KATNBL1: variants seen among roughly 807,000 people sequenced by gnomAD.
The protein encoded by KATNBL1 is katanin regulatory subunit B1 like 1, also known as KATNB1-like protein 1.
KATNBL1 carries 28 observed loss-of-function variants against 44.7 expected under a neutral mutation model. The ratio of observed to expected loss-of-function variants is 0.63; its 90% CI spans 0.46 to 0.86. The LOEUF (loss-of-function observed/expected upper bound fraction) is 0.86. KATNBL1 is among the 40% of genes least tolerant of loss of function. KATNBL1 has a pLI of 0.00. For synonymous variants in KATNBL1, 78 were observed against 114.9 expected, an observed-to-expected ratio of 0.68 and a Z score of 2.06; for missense variants, 272 against 350.7, an observed-to-expected ratio of 0.78 and a Z score of 1.79.
At chr15:34,184,261 G>T (rs1259026784) in intron 1 of KATNBL1, among the ~76,000 whole-genome samples, 3 of 151,012 alleles carry the variant, frequency 2.0e-5, no homozygotes, top group African/African-American at 7.3e-5. Flanking sequence ...AGCCGAGATC[G>T]CGCCACTGCA....
chr15:34,175,143 C>CACAG (rs1490463074), intron 1 of KATNBL1, among the ~76,000 whole-genome samples: 3 of 151,832 alleles, frequency 2.0e-5, no homozygotes, highest in African/African-American at 7.2e-5. Context: ...CACACACACA[C>CACAG]ACACACACAC....
intron 1 of KATNBL1, among the ~76,000 whole-genome samples, chr15:34,195,420 A>T (rs979352092): frequency 6.6e-6 from 1 of 152,158 alleles, no homozygotes; most frequent in East Asian, 1.9e-4. Flanking sequence ...TAGAGAATGG[A>T]GACTCAGAGA....
In KATNBL1 at chr15:34,141,762, A is replaced by G. The variant is rs558526412; in HGVS notation, c.*577T>C. 5 of 152,762 alleles carry G rather than the reference A, an allele frequency of 3.3e-5. No individual in the cohort carries two copies. In the South Asian group the frequency reaches 1.0e-3, roughly 32 times the overall value. 9.5% of individuals were successfully genotyped at this position (152,762 alleles called of 1,614,324 possible). A position where few individuals can be genotyped will look rare whatever the true frequency, so the allele number is the denominator to read the frequency against. ...GTTTTTTAAAACAGATATTGGTATCATAACACATTGGCTTATTAATAATTA... is the reference window on the plus strand; with the variant it reads ...GTTTTTTAAAACAGATATTGGTATCGTAACACATTGGCTTATTAATAATTA... On this transcript the variant is annotated 3_prime_UTR_variant, in exon 10 of 10. Transcript: ENST00000256544.
intron 1 of KATNBL1, among the ~76,000 whole-genome samples, chr15:34,190,239 C>G (rs773346820): frequency 1.3e-5 from 2 of 152,078 alleles, no homozygotes; most frequent in Non-Finnish European, 2.9e-5. Flanking sequence ...CCACCGCGCC[C>G]GGCCTGGAAG....
At chr15:34,192,419 A>AC (rs56201527) in intron 1 of KATNBL1, among the ~76,000 whole-genome samples, 5 of 151,544 alleles carry the variant, frequency 3.3e-5, no homozygotes, top group African/African-American at 1.2e-4. Context: ...AAAAAAAAAA[A>AC]CAAAAACAAT....
In KATNBL1 at chr15:34,168,919, T is replaced by A. The variant is rs1889067552; in HGVS notation, c.-14-5229A>T. 2.6e-5 allele frequency among the ~76,000 whole-genome samples: 4 copies of A among 152,168 alleles called. No individual in the cohort carries two copies. In the South Asian group the frequency reaches 8.3e-4, roughly 32 times the overall value. ...AACAAAGACACAACGAACCAGAATC[T>A]CTGGGACACATTTAAAGCAGTGTGT... is the stretch of plus-strand genomic sequence containing the variant. On this transcript the variant is annotated intron_variant, in intron 1 of 9. Transcript: ENST00000256544.
rs1264451290 is a variant in KATNBL1, at chr15:34,152,889, T to A, written c.339A>T (p.Lys113Asn). The part of the protein sequence containing the change: ...ELACAGHLPE[K>N]LHHDSRTYLV... ...AATATGTTCGACTATCATGGTGTAA[T>A]TTTTCAGGCAGGTGGCCTGCACAAG... The change falls in exon 4 of 10, where the codon AAA (lysine) becomes AAT (asparagine). Residue 113 changes from lysine to asparagine, a missense_variant. Transcript: ENST00000256544. The A allele has an allele frequency of 2.5e-6, 4 of 1,613,782 alleles. No individual in the cohort carries two copies. Among genetic ancestry groups the A allele is most frequent in the Non-Finnish European group, 3.4e-6 (4 of 1,179,786 alleles).
At chr15:34,156,776 T>TA (rs1034857522) in intron 2 of KATNBL1, among the ~76,000 whole-genome samples, 2 of 152,194 alleles carry the variant, frequency 1.3e-5, no homozygotes, top group Non-Finnish European at 2.9e-5. Flanking sequence ...GGGAAGAACT[T>TA]AGAGGGTTTG....
chr15:34,178,744 A>C lies in KATNBL1; in HGVS notation c.-14-15054T>G, dbSNP rs538524913. Among the ~76,000 whole-genome samples the C allele has an allele frequency of 2.1e-4, 25 of 119,008 alleles. No individual in the cohort carries two copies. The South Asian group carries it at 8.0e-3, about 38-fold the overall frequency. The allele number at this position is 119,008 out of a possible 152,430, so 78.1% of individuals were successfully genotyped here. ...GCACTCCAGCCTGGGCGACAGAGCAAGACTCTGTCTCAAAAAAAAAAAAAA... is the reference window on the plus strand; with the variant it reads ...GCACTCCAGCCTGGGCGACAGAGCACGACTCTGTCTCAAAAAAAAAAAAAA... On this transcript the variant is annotated intron_variant, in intron 1 of 9. Coordinates refer to ENST00000256544, the MANE Select transcript of KATNBL1 (RefSeq NM_024713.3).
At chr15:34,199,759 TG>T (rs1274391262) in intron 1 of KATNBL1, 1 of 152,174 alleles carries the variant, frequency 6.6e-6, no homozygotes, top group Non-Finnish European at 1.5e-5. Context: ...AGGACCTTCG[TG>T]GCAAGTGTTC....
intron 1 of KATNBL1, among the ~76,000 whole-genome samples, chr15:34,173,615 G>T (rs1889237323): frequency 6.6e-6 from 1 of 152,138 alleles, no homozygotes. Flanking sequence ...TTCCCAGGAT[G>T]ATTATGAAAG....
intron 1 of KATNBL1, among the ~76,000 whole-genome samples, chr15:34,186,734 C>T (rs551996936): frequency 5.9e-5 from 9 of 152,346 alleles, no homozygotes; most frequent in Admixed American, 2.6e-4. Context: ...TCTCTCTGCT[C>T]CCAGCACCTG....
At chr15:34,188,597 A>T (rs948119736) in intron 1 of KATNBL1, among the ~76,000 whole-genome samples, 1 of 152,196 alleles carries the variant, frequency 6.6e-6, no homozygotes, top group Non-Finnish European at 1.5e-5. Context: ...TCTGAAAAAC[A>T]AAACAAAAAA....
In KATNBL1 at chr15:34,149,502, C is replaced by A. The variant is rs138339916; in HGVS notation, c.439-752G>T. Among the ~76,000 whole-genome samples the A allele has an allele frequency of 9.2e-3, 1,399 of 152,044 alleles. 18 individuals are homozygous for A. The highest frequency in any genetic ancestry group is 0.032 in the African/African-American group (1,308 of 41,408). On this transcript the variant is annotated intron_variant, in intron 4 of 9. Transcript: ENST00000256544. ...GCAGTGGTGCAATCTCAGCTCACTG[C>A]AACCTCCGCCTCCCAAGCTCAAGTA... is the stretch of plus-strand genomic sequence containing the variant.
rs957194570 is a variant in KATNBL1, at chr15:34,140,805, A to C, written c.*1534T>G. The C allele has an allele frequency of 2.0e-5, 3 of 152,168 alleles. No homozygotes were observed. The highest frequency in any genetic ancestry group is 7.2e-5 in the African/African-American group (3 of 41,450). 9.4% of individuals were successfully genotyped at this position (152,168 alleles called of 1,614,324 possible). ...CCTCTCAAATCACAGACGTGCAATA[A>C]TCTGAAATTATTATAATCTAAAGAC... On this transcript the variant is annotated 3_prime_UTR_variant, in exon 10 of 10. Transcript: ENST00000256544.
chr15:34,183,168 G>A (rs893441478), intron 1 of KATNBL1, among the ~76,000 whole-genome samples: 6 of 152,170 alleles, frequency 3.9e-5, no homozygotes, highest in African/African-American at 1.4e-4. Context: ...TTTGACTGGC[G>A]ACTACCAAGG....
At chr15:34,149,634 A>C (rs923664786) in intron 4 of KATNBL1, among the ~76,000 whole-genome samples, 7 of 152,208 alleles carry the variant, frequency 4.6e-5, no homozygotes, top group African/African-American at 1.7e-4. Flanking sequence ...CATGTTGGCC[A>C]AGCTGGTCTC....
chr15:34,162,364 C>T (rs1888833205), intron 2 of KATNBL1, among the ~76,000 whole-genome samples: 1 of 152,162 alleles, frequency 6.6e-6, no homozygotes, highest in Non-Finnish European at 1.5e-5. Context: ...TCGTCTGCTG[C>T]CACGTATGTA....
chr15:34,142,106 T>C lies in KATNBL1; in HGVS notation c.*233A>G. ...CAGCAAAGGTGAACAATCTTCATAG[T>C]GCACTTTCACCTCAATGAAATTGAA... is the stretch of plus-strand genomic sequence containing the variant. On this transcript the variant is annotated 3_prime_UTR_variant, in exon 10 of 10. Coordinates refer to ENST00000256544, the MANE Select transcript of KATNBL1 (RefSeq NM_024713.3). The C allele has an allele frequency of 2.7e-6, 1 of 374,318 alleles. No individual in the cohort carries two copies. The highest frequency in any genetic ancestry group is 4.9e-6 in the Non-Finnish European group (1 of 204,582). 23.2% of individuals were successfully genotyped at this position (374,318 alleles called of 1,614,324 possible). A position where few individuals can be genotyped will look rare whatever the true frequency, so the allele number is the denominator to read the frequency against.
Sources: gnomAD v4.1 joint callset for allele counts (sites outside exome capture counted in the v4.1 genomes callset) on GRCh38, gnomAD v4.1.1 for gene constraint, MANE v1.5 for transcripts, NCBI Gene and HGNC (gene_info 2026-07-23, HGNC 2026-07-21) for gene names.